LRRC4C: variants seen among roughly 807,000 people sequenced by gnomAD.
The protein encoded by LRRC4C is leucine rich repeat containing 4C.
Under a neutral mutation model 33.6 loss-of-function variants are expected in LRRC4C, and 5 were observed. The observed-to-expected ratio is 0.15, with a 90% CI of 0.08 to 0.31. LRRC4C has a LOEUF of 0.31. Ranked by LOEUF, LRRC4C falls within the 10% of genes least tolerant of loss-of-function variation. LRRC4C has a pLI of 1.00. For missense variants in LRRC4C, 560 were observed against 796.7 expected (o/e 0.70, Z 3.58); for synonymous variants, 329 against 302.0 (o/e 1.09, Z -0.93).
intron 2 of LRRC4C, among the ~76,000 whole-genome samples, chr11:40,712,010 G>A (rs1471735764): frequency 1.3e-5 from 2 of 152,148 alleles, no homozygotes; most frequent in African/African-American, 4.8e-5. Flanking sequence ...TCCTTGCAGA[G>A]TAGTGTGGTA....
chr11:40,179,197 G>T (rs1350305847), intron 5 of LRRC4C, among the ~76,000 whole-genome samples: 3 of 151,718 alleles, frequency 2.0e-5, no homozygotes, highest in East Asian at 1.9e-4. Context: ...TAGAGACAGG[G>T]TCTCTCTATG....
At chr11:40,420,756 A>T (rs1256490689) in intron 3 of LRRC4C, among the ~76,000 whole-genome samples, 1 of 152,222 alleles carries the variant, frequency 6.6e-6, no homozygotes, top group Admixed American at 6.5e-5. Context: ...TGTTGGAGCC[A>T]GAATTTTGAG....
chr11:41,455,516 A>AAGAGTT (rs1956148344), intron 1 of LRRC4C, among the ~76,000 whole-genome samples: 1 of 152,188 alleles, frequency 6.6e-6, no homozygotes, highest in South Asian at 2.1e-4. Context: ...AATTACTGAA[A>AAGAGTT]AGAGTTAGAG....
chr11:40,634,380 A>C (rs1291341329), intron 3 of LRRC4C, among the ~76,000 whole-genome samples: 1 of 152,208 alleles, frequency 6.6e-6, no homozygotes, highest in Non-Finnish European at 1.5e-5. Context: ...AGTTTGTTAC[A>C]GATGAAAGGA....
intron 1 of LRRC4C, among the ~76,000 whole-genome samples, chr11:41,351,450 C>T (rs1008929773): frequency 2.0e-5 from 3 of 151,578 alleles, no homozygotes; most frequent in Non-Finnish European, 4.4e-5. Context: ...ATTTCCCCAT[C>T]CTCACTAAAG....
At chr11:40,634,721 A>AAT (rs1015644503) in intron 3 of LRRC4C, among the ~76,000 whole-genome samples, 2 of 129,626 alleles carry the variant, frequency 1.5e-5, no homozygotes, top group African/African-American at 8.0e-5. Flanking sequence ...ATAAGAAAAT[A>AAT]AAAAAAAAAA....
At chr11:40,186,510 TC>T (rs1861413379) in intron 5 of LRRC4C, among the ~76,000 whole-genome samples, 1 of 152,196 alleles carries the variant, frequency 6.6e-6, no homozygotes, top group Non-Finnish European at 1.5e-5. Flanking sequence ...CAAAGCTTTT[TC>T]TTACAGTCTC....
intron 2 of LRRC4C, among the ~76,000 whole-genome samples, chr11:40,684,225 T>A (rs1944845391): frequency 6.6e-6 from 1 of 152,022 alleles, no homozygotes; most frequent in African/African-American, 2.4e-5. Context: ...CATAACATAA[T>A]TTAATGAAAA....
At chr11:41,335,449 C>G (rs1038506364) in intron 1 of LRRC4C, among the ~76,000 whole-genome samples, 2 of 152,152 alleles carry the variant, frequency 1.3e-5, no homozygotes, top group Admixed American at 6.5e-5. Context: ...TACTACCTGT[C>G]CATCTTTATT....
rs192184722 is a variant in LRRC4C, at chr11:40,608,254, G to A, written c.-270+39888C>T. On this transcript the variant is annotated intron_variant, in intron 3 of 6. Transcript: ENST00000528697. Reference sequence around the variant, plus strand: ...TTCGTGACATTAATAAATTGTGGGGGGAAAGTAAAAGTGTAGAGTGCTTTT... The same window carrying A: ...TTCGTGACATTAATAAATTGTGGGGAGAAAGTAAAAGTGTAGAGTGCTTTT... Among the ~76,000 whole-genome samples the A allele has an allele frequency of 3.6e-3, 551 of 152,120 alleles. 2 individuals are homozygous for A. Among genetic ancestry groups the A allele is most frequent in the Middle Eastern group, 0.01 (3 of 294 alleles).
intron 5 of LRRC4C, among the ~76,000 whole-genome samples, chr11:40,193,756 A>G (rs918620023): frequency 3.9e-5 from 6 of 152,174 alleles, no homozygotes; most frequent in Non-Finnish European, 1.5e-5. Flanking sequence ...TTAGGGAATG[A>G]CATAAATGAC....
intron 3 of LRRC4C, among the ~76,000 whole-genome samples, chr11:40,627,971 T>C (rs946009906): frequency 3.9e-5 from 6 of 152,148 alleles, no homozygotes; most frequent in Non-Finnish European, 7.3e-5. Flanking sequence ...TTTCCTTACA[T>C]TGAAGTTTCA....
At chr11:40,984,924 C>T (rs1422050951) in intron 1 of LRRC4C, among the ~76,000 whole-genome samples, 9 of 11,302 alleles carry the variant, frequency 8.0e-4, no homozygotes, top group East Asian at 6.4e-3. Flanking sequence ...TTTTTTGAGA[C>T]GCAATCTCGC....
At chr11:40,402,775 C>T (rs1346348579) in intron 3 of LRRC4C, among the ~76,000 whole-genome samples, 1 of 152,090 alleles carries the variant, frequency 6.6e-6, no homozygotes, top group Non-Finnish European at 1.5e-5. Context: ...GCATGATCTT[C>T]ACATGTTTTT....
At chr11:40,487,489 A>G (rs1953922078) in intron 3 of LRRC4C, among the ~76,000 whole-genome samples, 1 of 152,076 alleles carries the variant, frequency 6.6e-6, no homozygotes, top group African/African-American at 2.4e-5. Context: ...TGAAATGGAG[A>G]GACTATCCTG....
intron 2 of LRRC4C, among the ~76,000 whole-genome samples, chr11:40,859,367 G>A (rs1413380997): frequency 1.3e-5 from 2 of 152,094 alleles, no homozygotes; most frequent in East Asian, 1.9e-4. Flanking sequence ...TCATGCTTGA[G>A]AGGCTCGTAG....
chr11:40,686,448 G>A (rs867070183), intron 2 of LRRC4C, among the ~76,000 whole-genome samples: 1 of 151,974 alleles, frequency 6.6e-6, no homozygotes, highest in Non-Finnish European at 1.5e-5. Flanking sequence ...TTTAAAATGT[G>A]CTGATGCCTC....
intron 5 of LRRC4C, among the ~76,000 whole-genome samples, chr11:40,152,468 T>A (rs2055551451): frequency 6.6e-6 from 1 of 152,144 alleles, no homozygotes; most frequent in Non-Finnish European, 1.5e-5. Flanking sequence ...AGGGCACAAA[T>A]TCGGCATGCA....
chr11:40,725,447 G>A (rs1947242802), intron 2 of LRRC4C, among the ~76,000 whole-genome samples: 1 of 151,744 alleles, frequency 6.6e-6, no homozygotes, highest in South Asian at 2.1e-4. Flanking sequence ...GGTGAAGCTT[G>A]CAGTGAGGCA....
Sources: allele counts gnomAD v4.1 joint callset (sites outside exome capture counted in the v4.1 genomes callset), GRCh38; gene constraint gnomAD v4.1.1; transcripts MANE v1.5; gene names NCBI Gene and HGNC (gene_info 2026-07-23, HGNC 2026-07-21).